Variants in CHD6 observed in about 807,000 individuals in gnomAD.
CHD6 encodes ATP-dependent chromatin remodeler CHD6.
A neutral mutation model predicts 276.9 loss-of-function variants in CHD6; 50 were observed. That is an observed-to-expected ratio of 0.18 (90% CI 0.14 to 0.23). The LOEUF (loss-of-function observed/expected upper bound fraction) is 0.23, where lower values mean the gene tolerates loss of function less well. CHD6 is among the 10% of genes least tolerant of loss of function. The pLI, the probability that CHD6 is intolerant of heterozygous loss-of-function variation, is 1.00. For synonymous variants in CHD6, 1,173 were observed against 1,229.3 expected (o/e 0.95, Z 0.96); for missense variants, 2,564 against 3,365.8 (o/e 0.76, Z 5.89).
At chr20:41,504,867 T>A (rs1182815553) in intron 5 of CHD6, among the ~76,000 whole-genome samples, 2 of 152,334 alleles carry the variant, frequency 1.3e-5, no homozygotes, top group African/African-American at 2.4e-5. Flanking sequence ...TAATTTTTTT[T>A]ATTTTATGTT....
chr20:41,487,979 T>C (rs1340454564), intron 13 of CHD6, among the ~76,000 whole-genome samples, 171 bp from the exon 14 acceptor site: 1 of 152,210 alleles, frequency 6.6e-6, no homozygotes, highest in Middle Eastern at 3.2e-3. Context: ...CGAATCAACC[T>C]TCCTTTCACA....
intron 3 of CHD6, among the ~76,000 whole-genome samples, chr20:41,522,396 A>T (rs1347197382): frequency 6.6e-6 from 1 of 152,190 alleles, no homozygotes; most frequent in Admixed American, 6.5e-5. Context: ...ACCAACGTAG[A>T]AAAGATGCGC....
intron 2 of CHD6, among the ~76,000 whole-genome samples, chr20:41,539,517 T>A (rs2044899257): frequency 6.6e-6 from 1 of 152,190 alleles, no homozygotes; most frequent in South Asian, 2.1e-4. Context: ...GATAGAGAAG[T>A]ATCCAGTGAA....
At chr20:41,596,684 T>C (rs1395462830) in intron 1 of CHD6, among the ~76,000 whole-genome samples, 2 of 151,560 alleles carry the variant, frequency 1.3e-5, no homozygotes, top group East Asian at 3.9e-4. Context: ...GCATTTAATA[T>C]ACAGCAGGGA....
chr20:41,441,244 C>T (rs1345111351), intron 25 of CHD6, among the ~76,000 whole-genome samples: 1 of 152,178 alleles, frequency 6.6e-6, no homozygotes, highest in Non-Finnish European at 1.5e-5. Context: ...ATTATATAGT[C>T]AGTACCTAGC....
chr20:41,487,251 T>C (rs2043438438), intron 14 of CHD6, among the ~76,000 whole-genome samples: 1 of 152,198 alleles, frequency 6.6e-6, no homozygotes, highest in African/African-American at 2.4e-5. Flanking sequence ...CTGTGTATTG[T>C]GCTGTATGCA....
chr20:41,413,182 C>T, intron 35 of CHD6, 142 bp downstream of exon 35: 1 of 567,118 alleles, frequency 1.8e-6, no homozygotes, highest in South Asian at 3.5e-5. Context: ...AACAAAAGTC[C>T]TTTAACATGA....
chr20:41,533,699 A>G (rs901002890), intron 2 of CHD6, 129 bp from the exon 3 acceptor site: 1 of 834,780 alleles, frequency 1.2e-6, no homozygotes, highest in Middle Eastern at 3.6e-4. Flanking sequence ...GTTAGTTCCT[A>G]TTGTGCTAGG....
chr20:41,613,424 C>G (rs1275339821), intron 1 of CHD6, among the ~76,000 whole-genome samples: 2 of 152,226 alleles, frequency 1.3e-5, no homozygotes, highest in Admixed American at 6.5e-5. Context: ...TGAGGACCCT[C>G]TAAGAGCCTC....
chr20:41,512,755 T>C (rs2044151519), intron 5 of CHD6, 91 bp downstream of exon 5: 7 of 1,457,066 alleles, frequency 4.8e-6, no homozygotes, highest in Non-Finnish European at 6.6e-6. Context: ...ATGATCTGAC[T>C]TATGCTTTAG....
At chr20:41,610,104 A>G (rs937932265) in intron 1 of CHD6, among the ~76,000 whole-genome samples, 1 of 151,684 alleles carries the variant, frequency 6.6e-6, no homozygotes, top group Admixed American at 6.6e-5. Context: ...TGATCTGCCC[A>G]CCTCACCTCC....
At chr20:41,570,394 A>C (rs1209067201) in intron 1 of CHD6, among the ~76,000 whole-genome samples, 1 of 152,188 alleles carries the variant, frequency 6.6e-6, no homozygotes, top group Non-Finnish European at 1.5e-5. Context: ...GCCCAGATTC[A>C]CCTTTGTGAA....
chr20:41,445,585 C>G, intron 25 of CHD6, 80 bp downstream of exon 25: 1 of 826,294 alleles, frequency 1.2e-6, no homozygotes, highest in Non-Finnish European at 2.1e-6. Context: ...AGGAACATGC[C>G]GAGCTTAGTT....
intron 1 of CHD6, among the ~76,000 whole-genome samples, chr20:41,582,691 T>C (rs562061540): frequency 8.7e-4 from 133 of 152,224 alleles, no homozygotes; most frequent in African/African-American, 3.0e-3. Context: ...GTTGTAAGTA[T>C]TGGAGAGGAA....
chr20:41,588,380 G>T (rs2045618926), intron 1 of CHD6, among the ~76,000 whole-genome samples: 2 of 152,144 alleles, frequency 1.3e-5, no homozygotes, highest in African/African-American at 4.8e-5. Context: ...ACAGGCTGAA[G>T]AGGCTGTGGC....
chr20:41,598,781 A>T (rs972196125), intron 1 of CHD6, among the ~76,000 whole-genome samples: 1 of 152,200 alleles, frequency 6.6e-6, no homozygotes, highest in Non-Finnish European at 1.5e-5. Flanking sequence ...CTAACCAATC[A>T]GTCTGCCCTT....
chr20:41,558,573 G>C (rs1373018972), intron 1 of CHD6, among the ~76,000 whole-genome samples: 2 of 152,152 alleles, frequency 1.3e-5, no homozygotes, highest in Non-Finnish European at 2.9e-5. Context: ...AAGAAAAAGG[G>C]TGCCAAGTTT....
chr20:41,425,130 T>C (rs1285645834), intron 29 of CHD6, 48 bp downstream of exon 29: 1 of 1,508,296 alleles, frequency 6.6e-7, no homozygotes, highest in Non-Finnish European at 9.2e-7. Context: ...TTTTGAAAAC[T>C]TTACCCAGTG....
intron 10 of CHD6, among the ~76,000 whole-genome samples, chr20:41,492,682 G>A (rs1305594369): frequency 6.6e-6 from 1 of 152,218 alleles, no homozygotes. Flanking sequence ...CAGCACTTTG[G>A]GAGGCCAAGA....
Sources: allele counts gnomAD v4.1 joint callset (sites outside exome capture counted in the v4.1 genomes callset), GRCh38; gene constraint gnomAD v4.1.1; transcripts MANE v1.5; gene names NCBI Gene and HGNC (gene_info 2026-07-23, HGNC 2026-07-21).